Variants in BIRC6 observed in about 807,000 individuals in gnomAD.
The protein encoded by BIRC6 is dual E2 ubiquitin-conjugating enzyme/E3 ubiquitin-protein ligase BIRC6.
A neutral mutation model predicts 503.3 loss-of-function variants in BIRC6; 98 were observed. The observed-to-expected ratio is 0.19, with a 90% CI of 0.17 to 0.23. The LOEUF is 0.23. BIRC6 is among the 10% of genes least tolerant of loss of function. The probability of loss-of-function intolerance (pLI) is 1.00; values close to 1 mark genes in which losing one functional copy is unlikely to be tolerated. For missense variants in BIRC6, 5,360 were observed against 5,806.0 expected (o/e 0.92, Z 2.50); for synonymous variants, 2,240 against 2,078.7 (o/e 1.08, Z -2.11).
At position 32,415,595 on chromosome 2, in the gene BIRC6, T is replaced by C. The variant is rs781391884; in HGVS notation, c.2304T>C (p.Asn768=). The part of the protein sequence containing the change: ...SAINQVEALN[N]LNKLNSALCN... Reference sequence around the variant, plus strand: ...TAAATCAAGTAGAGGCCTTGAATAATTTAAATAAATTAAACTCTGCACTAT... The same window carrying C: ...TAAATCAAGTAGAGGCCTTGAATAACTTAAATAAATTAAACTCTGCACTAT... Residue 768 remains asparagine (N), a synonymous_variant, in exon 10 of 74, where the codon AAT becomes AAC. Transcript: ENST00000421745. 2.5e-6 allele frequency: 4 copies of C among 1,613,864 alleles called. No individual in the cohort carries two copies. In the South Asian group the frequency reaches 4.4e-5, roughly 18 times the overall value.
chr2:32,490,042 A>T lies in BIRC6; in HGVS notation c.8097A>T (p.Ala2699=). The part of the protein sequence containing the change: ...NRIPVISLNQ[A]SITSFLTVLA... ...TTTCCCTTTCTCTTTTCTGCATAGC[A>T]TCAATAACTAGCTTTCTCACAGTGT... is the stretch of plus-strand genomic sequence containing the variant. Residue 2699 remains alanine, a splice_region_variant and synonymous_variant, in exon 43 of 74, where the codon GCA becomes GCT. Transcript: ENST00000421745. 6.2e-7 allele frequency: 1 copy of T among 1,601,240 alleles called. No homozygotes were observed. Among genetic ancestry groups the T allele is most frequent in the Non-Finnish European group, 8.6e-7 (1 of 1,168,728 alleles).
chr2:32,455,413 T>C (rs995134812), intron 23 of BIRC6, among the ~76,000 whole-genome samples: 1 of 148,766 alleles, frequency 6.7e-6, no homozygotes, highest in African/African-American at 2.5e-5. Context: ...TTAAGTAGCC[T>C]GGTTTGAGAC....
intron 60 of BIRC6, 83 bp downstream of exon 60, chr2:32,529,907 T>A: frequency 1.1e-6 from 1 of 907,692 alleles, no homozygotes; most frequent in East Asian, 3.2e-5. Context: ...TTAATTGACT[T>A]GTGTTTTTAT....
At chr2:32,598,308 T>A (rs2061807816) in intron 69 of BIRC6, among the ~76,000 whole-genome samples, 1 of 152,178 alleles carries the variant, frequency 6.6e-6, no homozygotes, top group African/African-American at 2.4e-5. Context: ...GCCATCATCC[T>A]TGAGCAAAGA....
At chr2:32,546,999 G>C (rs551582143) in intron 63 of BIRC6, among the ~76,000 whole-genome samples, 2 of 152,238 alleles carry the variant, frequency 1.3e-5, no homozygotes, top group South Asian at 2.1e-4. Flanking sequence ...GAATCTGTCT[G>C]TGCTCATGTA....
intron 72 of BIRC6, among the ~76,000 whole-genome samples, chr2:32,608,015 T>C (rs1041255529): frequency 1.4e-5 from 2 of 140,544 alleles, no homozygotes; most frequent in African/African-American, 5.3e-5. Context: ...TTTTAAAATA[T>C]AGTTTGTTAG....
rs148242673 is a variant in BIRC6, at chr2:32,549,315, T to C, written c.12978T>C (p.Val4326=). 9.1e-5 allele frequency: 132 copies of C among 1,446,036 alleles called. No individual in the cohort carries two copies. The highest frequency in any genetic ancestry group is 1.1e-4 in the Non-Finnish European group (114 of 1,081,492). 89.6% of individuals were successfully genotyped at this position (1,446,036 alleles called of 1,614,324 possible). Residue 4326 remains valine, a splice_region_variant and synonymous_variant, in exon 65 of 74, where the codon GTT becomes GTC. Coordinates refer to ENST00000421745, the MANE Select transcript of BIRC6 (RefSeq NM_016252.4). The stretch of plus-strand genomic sequence containing the variant: ...AAATTAATTTCAACAATTTTTAGGT[T>C]CTTGCCAGTTACATAAATCCCGTCA... ...EEEHVTCLLQ[V]LASYINPVSS...
At chr2:32,510,725 C>A in intron 53 of BIRC6, 91 bp downstream of exon 53, 2 of 860,040 alleles carry the variant, frequency 2.3e-6, no homozygotes, top group Non-Finnish European at 3.8e-6. Context: ...TAGATGATCT[C>A]ATAAAAGACA....
intron 14 of BIRC6, 127 bp from the exon 15 acceptor site, chr2:32,435,926 T>C (rs922277441): frequency 1.3e-5 from 7 of 558,212 alleles, no homozygotes; most frequent in Non-Finnish European, 2.0e-5. Flanking sequence ...ACAATTCTTA[T>C]TTTAACACAT....
chr2:32,471,827 T>C (rs1388116702), intron 32 of BIRC6, among the ~76,000 whole-genome samples: 2 of 152,156 alleles, frequency 1.3e-5, no homozygotes, highest in African/African-American at 2.4e-5. Context: ...ATGTAAGCCA[T>C]TGAAATCCAT....
chr2:32,519,876 A>T (rs1280244970), intron 57 of BIRC6, among the ~76,000 whole-genome samples: 2 of 152,206 alleles, frequency 1.3e-5, no homozygotes, highest in Non-Finnish European at 2.9e-5. Context: ...TTAATCAGTG[A>T]GTGAACTTGC....
intron 22 of BIRC6, among the ~76,000 whole-genome samples, chr2:32,450,587 A>G (rs957740842): frequency 5.3e-5 from 8 of 152,152 alleles, no homozygotes; most frequent in African/African-American, 1.7e-4. Context: ...AGAAATGTAA[A>G]TGTCATTCAT....
intron 2 of BIRC6, 55 bp downstream of exon 2, chr2:32,377,824 T>C (rs985739876): frequency 7.1e-7 from 1 of 1,410,392 alleles, no homozygotes; most frequent in South Asian, 1.5e-5. Flanking sequence ...CTTAGACATA[T>C]TAGATGTTAA....
chr2:32,439,985 C>A (rs1346312007), intron 16 of BIRC6, among the ~76,000 whole-genome samples: 1 of 152,160 alleles, frequency 6.6e-6, no homozygotes, highest in African/African-American at 2.4e-5. Flanking sequence ...TTCAAGCCAT[C>A]CTCCCACCTC....
chr2:32,517,035 TAAG>T (rs748863071), intron 55 of BIRC6, among the ~76,000 whole-genome samples: 126 of 152,276 alleles, frequency 8.3e-4, no homozygotes, highest in South Asian at 2.1e-3. Context: ...TTAGTTTTAT[TAAG>T]AAGAAGGGCA....
chr2:32,514,667 A>AT (rs1458256910), intron 54 of BIRC6, among the ~76,000 whole-genome samples: 1 of 152,072 alleles, frequency 6.6e-6, no homozygotes, highest in East Asian at 1.9e-4. Context: ...GTTTGGCATG[A>AT]TTTTTTTGTT....
intron 65 of BIRC6, chr2:32,565,438 A>AAGC (rs1384924177): frequency 3.3e-5 from 5 of 152,124 alleles, no homozygotes; most frequent in Non-Finnish European, 5.9e-5. Context: ...TAAAATTCAA[A>AAGC]AGCTTTAAGG....
At chr2:32,469,725 C>A in intron 30 of BIRC6, 111 bp downstream of exon 30, 2 of 978,980 alleles carry the variant, frequency 2.0e-6, no homozygotes, top group Non-Finnish European at 1.5e-6. Context: ...GAATATGAAG[C>A]AGATCTCAGA....
chr2:32,523,589 G>A (rs2055962890), intron 57 of BIRC6: 1 of 152,176 alleles, frequency 6.6e-6, no homozygotes, highest in Non-Finnish European at 1.5e-5. Context: ...TCACAAAACT[G>A]TCTATAGGCA....
Sources: allele counts gnomAD v4.1 joint callset (sites outside exome capture counted in the v4.1 genomes callset), GRCh38; gene constraint gnomAD v4.1.1; transcripts MANE v1.5; gene names NCBI Gene and HGNC (gene_info 2026-07-23, HGNC 2026-07-21).